The following C2orf74 variants were observed in gnomAD, a reference collection of about 807,000 sequenced individuals.
C2orf74 encodes DPM1 ER membrane anchor 1, also known as uncharacterized protein C2orf74.
A neutral mutation model predicts 17.9 loss-of-function variants in C2orf74; 14 were observed. That is an observed-to-expected ratio of 0.78 (90% CI 0.52 to 1.22). The LOEUF (loss-of-function observed/expected upper bound fraction) is 1.22. Ranked by LOEUF, C2orf74 falls within the 50% of genes most tolerant of loss-of-function variation. The pLI is 0.00. For missense variants in C2orf74, 217 were observed against 218.4 expected (o/e 0.99, Z 0.04); for synonymous variants, 79 against 72.6 (o/e 1.09, Z -0.44).
At chr2:61,152,009 T>G (rs1685241383) in intron 1 of C2orf74, 1 of 152,270 alleles carries the variant, frequency 6.6e-6, no homozygotes, top group Non-Finnish European at 1.5e-5. Context: ...GCTTCTCCCT[T>G]TTGTGGATTA....
At chr2:61,163,646 G>A (rs921761547) in intron 4 of C2orf74, among the ~76,000 whole-genome samples, 12 of 151,594 alleles carry the variant, frequency 7.9e-5, no homozygotes, top group Non-Finnish European at 1.5e-4. Flanking sequence ...AATAGGAGAT[G>A]GAGTTGCATA....
At chr2:61,154,987 C>A (rs1300678839) in intron 1 of C2orf74, among the ~76,000 whole-genome samples, 1 of 152,092 alleles carries the variant, frequency 6.6e-6, no homozygotes, top group East Asian at 1.9e-4. Flanking sequence ...ATTGCTTGAA[C>A]CTGGGAGGCA....
At chr2:61,153,009 G>T (rs1429877258) in intron 1 of C2orf74, among the ~76,000 whole-genome samples, 2 of 151,230 alleles carry the variant, frequency 1.3e-5, no homozygotes, top group African/African-American at 4.9e-5. Flanking sequence ...AAAATTAGCC[G>T]GGCGTTGTAG....
chr2:61,163,336 G>GA, intron 4 of C2orf74, 104 bp downstream of exon 4: 1 of 1,289,308 alleles, frequency 7.8e-7, no homozygotes, highest in East Asian at 2.5e-5. Context: ...AGGACCGGGC[G>GA]GGTGGCTCAC....
intron 1 of C2orf74, among the ~76,000 whole-genome samples, chr2:61,147,507 A>G (rs1185638214): frequency 6.6e-6 from 1 of 152,150 alleles, no homozygotes; most frequent in Non-Finnish European, 1.5e-5. Context: ...CAGTTCTTAG[A>G]ATTGACAGAC....
In C2orf74 at chr2:61,164,424, C is replaced by G; in HGVS notation, c.461C>G (p.Pro154Arg). The G allele has an allele frequency of 6.4e-7, 1 of 1,550,890 alleles. No individual in the cohort carries two copies. Among genetic ancestry groups the G allele is most frequent in the Non-Finnish European group, 8.7e-7 (1 of 1,146,722 alleles). Reference protein sequence around the residue: ...TPSVVESQKRPLKGVTFSREV... With the variant: ...TPSVVESQKRRLKGVTFSREV... ...TCAGTTGTTGAAAGCCAAAAAAGAC[C>G]TTTAAAAGGAGTGACATTTTCTAGG... The change falls in exon 5 of 5, where the codon CCT (proline) becomes CGT (arginine). Residue 154 changes from proline (P) to arginine (R), a missense_variant. Coordinates refer to ENST00000432605, the MANE Select transcript of C2orf74 (RefSeq NM_001143959.4).
upstream of C2orf74, chr2:61,159,338 C>G (rs186772669): frequency 8.1e-4 from 311 of 384,108 alleles, 2 homozygotes; most frequent in African/African-American, 6.4e-3. Context: ...GCTCTGTTGC[C>G]TAGGCTGGAG....
chr2:61,151,055 C>T (rs1160377207), intron 1 of C2orf74, among the ~76,000 whole-genome samples: 6 of 152,112 alleles, frequency 3.9e-5, no homozygotes, highest in Non-Finnish European at 8.8e-5. Flanking sequence ...CAGTGGCTCA[C>T]GCCTGTAATC....
At chr2:61,157,990 G>A (rs557224221), upstream of C2orf74, 14 of 471,220 alleles carry the variant, frequency 3.0e-5, 1 homozygote, top group South Asian at 2.2e-4. Context: ...GGCCACCATA[G>A]CAAAGAAGTC....
chr2:61,157,042 A>T lies in C2orf74; in HGVS notation c.-121-5800A>T, dbSNP rs191939294. Among the ~76,000 whole-genome samples, 48 of 152,224 alleles carry T rather than the reference A, an allele frequency of 3.2e-4. No homozygotes were observed. The East Asian group carries it at 7.5e-3, about 24-fold the overall frequency. ...AAATATTTGATTGATTGATTGACTG[A>T]TCGATTGATTTGAGATGAAGTCTCA... On this transcript the variant is annotated intron_variant, in intron 1 of 3. Transcript: ENST00000426997.
chr2:61,163,311 A>G, intron 4 of C2orf74, 79 bp downstream of exon 4: 1 of 1,432,004 alleles, frequency 7.0e-7, no homozygotes, highest in Non-Finnish European at 9.4e-7. Flanking sequence ...AGCTAGGTAT[A>G]ATAATAGGAG....
chr2:61,163,343 T>A, intron 4 of C2orf74, 111 bp downstream of exon 4: 1 of 1,183,508 alleles, frequency 8.4e-7, no homozygotes, highest in Non-Finnish European at 1.2e-6. Flanking sequence ...GGCGGGTGGC[T>A]CACGCCTGTA....
chr2:61,147,084 G>C (rs192847067), intron 1 of C2orf74, among the ~76,000 whole-genome samples: 1 of 152,022 alleles, frequency 6.6e-6, no homozygotes, highest in Non-Finnish European at 1.5e-5. Flanking sequence ...TGGGGGGATC[G>C]GTTGAGCCCA....
intron 1 of C2orf74, among the ~76,000 whole-genome samples, chr2:61,148,719 T>A (rs1046455083): frequency 9.2e-5 from 14 of 152,118 alleles, no homozygotes; most frequent in Non-Finnish European, 2.1e-4. Flanking sequence ...GTGTTTAGCT[T>A]GTCTTTTGTT....
chr2:61,157,098 C>T (rs139166702), intron 1 of C2orf74, among the ~76,000 whole-genome samples: 24 of 152,272 alleles, frequency 1.6e-4, no homozygotes, highest in East Asian at 3.9e-4. Flanking sequence ...TGCAGTGGCG[C>T]GATCTCGGCT....
chr2:61,155,619 C>G (rs1026772883), intron 1 of C2orf74, among the ~76,000 whole-genome samples: 1 of 152,072 alleles, frequency 6.6e-6, no homozygotes, highest in African/African-American at 2.4e-5. Flanking sequence ...CTCCTGCGTT[C>G]ACTCTATTCT....
intron 1 of C2orf74, among the ~76,000 whole-genome samples, chr2:61,153,319 C>G (rs945131200): frequency 6.6e-6 from 1 of 151,978 alleles, no homozygotes; most frequent in Non-Finnish European, 1.5e-5. Flanking sequence ...CTCGCTCAGT[C>G]ACCCAGTCTG....
intron 1 of C2orf74, among the ~76,000 whole-genome samples, chr2:61,149,914 G>T (rs981279749): frequency 1.3e-5 from 2 of 152,092 alleles, no homozygotes; most frequent in Non-Finnish European, 2.9e-5. Context: ...CCCAAAAGAG[G>T]CATCTCAAAG....
intron 1 of C2orf74, among the ~76,000 whole-genome samples, chr2:61,145,939 C>T (rs1259782309): frequency 6.6e-6 from 1 of 152,182 alleles, no homozygotes; most frequent in Non-Finnish European, 1.5e-5. Context: ...AAAACAGGTG[C>T]AGTGTTACAG....
Sources: allele counts gnomAD v4.1 joint callset (sites outside exome capture counted in the v4.1 genomes callset), GRCh38; gene constraint gnomAD v4.1.1; transcripts MANE v1.5; gene names NCBI Gene and HGNC (gene_info 2026-07-23, HGNC 2026-07-21).